Variants in SRP19 observed in about 807,000 individuals in gnomAD.
SRP19 encodes the protein signal recognition particle 19 kDa protein.
In SRP19, 11 loss-of-function variants were observed where a neutral mutation model predicts 22.4. The observed-to-expected ratio is 0.49, with a 90% CI of 0.31 to 0.81. The LOEUF (loss-of-function observed/expected upper bound fraction) is 0.81. Among genes scored for constraint, SRP19 ranks in the 40% least tolerant of loss-of-function variants. The pLI is 0.05. For synonymous variants in SRP19, 61 were observed against 57.6 expected (o/e 1.06, Z -0.27); for missense variants, 168 against 175.9 (o/e 0.96, Z 0.25).
At position 112,867,641 on chromosome 5, in the gene SRP19, C is replaced by T; in HGVS notation, c.*104C>T. ...GAAGCTTTTTGTTTGCATCATTTAA[C>T]TGAACTGTGAACCCTTGTGCCTCTC... On this transcript the variant is annotated 3_prime_UTR_variant, in exon 5 of 5. Transcript: ENST00000505459. The T allele has an allele frequency of 7.1e-6, 10 of 1,399,008 alleles. No individual in the cohort carries two copies. Among genetic ancestry groups the T allele is most frequent in the Non-Finnish European group, 9.3e-6 (10 of 1,072,330 alleles). 86.7% of individuals were successfully genotyped at this position (1,399,008 alleles called of 1,614,324 possible).
chr5:112,865,251 C>T (rs1439158305), intron 4 of SRP19: 3 of 152,150 alleles, frequency 2.0e-5, no homozygotes, highest in African/African-American at 7.3e-5. Context: ...TTTTGAAATG[C>T]TCTGTAAGGA....
At chr5:112,889,468 G>C (rs927544313) in intron 4 of SRP19, among the ~76,000 whole-genome samples, 3 of 150,526 alleles carry the variant, frequency 2.0e-5, no homozygotes, top group African/African-American at 7.4e-5. Context: ...AAGAAGGAAA[G>C]CAATTCACCA....
At chr5:112,861,522 G>C in intron 1 of SRP19, 105 bp downstream of exon 1, 2 of 1,256,888 alleles carry the variant, frequency 1.6e-6, no homozygotes, top group Non-Finnish European at 1.1e-6. Flanking sequence ...TGGCCTAGCT[G>C]ATCCAACTCG....
chr5:112,897,840 C>G (rs1768737107), downstream of SRP19: 1 of 152,186 alleles, frequency 6.6e-6, no homozygotes, highest in African/African-American at 2.4e-5. Flanking sequence ...GGGCAGATCA[C>G]TTGAGGTCAG....
chr5:112,863,170 C>A (rs577080412), intron 2 of SRP19, among the ~76,000 whole-genome samples: 30 of 152,280 alleles, frequency 2.0e-4, no homozygotes, highest in African/African-American at 7.2e-4. Flanking sequence ...GTCGCCTCCG[C>A]ATATGCTCAA....
At chr5:112,891,013 T>C (rs562055680) in intron 4 of SRP19, among the ~76,000 whole-genome samples, 10 of 150,932 alleles carry the variant, frequency 6.6e-5, no homozygotes, top group Admixed American at 2.0e-4. Flanking sequence ...CAGGAGAACA[T>C]GTTAGCTTTC....
At chr5:112,873,813 A>G, downstream of SRP19, among the ~76,000 whole-genome samples, 1 of 151,870 alleles carries the variant, frequency 6.6e-6, no homozygotes, top group East Asian at 1.9e-4. Context: ...TATCATGTTA[A>G]GTAGCTTTGT....
At chr5:112,880,091 T>A (rs1045516819) in intron 4 of SRP19, among the ~76,000 whole-genome samples, 1 of 152,052 alleles carries the variant, frequency 6.6e-6, no homozygotes, top group East Asian at 1.9e-4. Flanking sequence ...AGTCTTTGAG[T>A]TGGTGACAAG....
At chr5:112,865,729 G>A (rs1193971366) in intron 4 of SRP19, among the ~76,000 whole-genome samples, 1 of 152,060 alleles carries the variant, frequency 6.6e-6, no homozygotes, top group Non-Finnish European at 1.5e-5. Context: ...AAGTAGCTGG[G>A]ACTACAGGCA....
At position 112,861,385 on chromosome 5, in the gene SRP19, C is replaced by T. The variant is rs11555908; in HGVS notation, c.9C>T (p.Cys3=). The T allele has an allele frequency of 0.012, 19,853 of 1,614,112 alleles. 708 individuals carry two copies. Among genetic ancestry groups the T allele is most frequent in the East Asian group, 0.12 (5,517 of 44,874 alleles). Residue 3 remains cysteine (C), a synonymous_variant, in exon 1 of 5, where the codon TGC becomes TGT. Coordinates refer to ENST00000505459, the MANE Select transcript of SRP19 (RefSeq NM_003135.3). MA[C]AAARSPADQD... Reference sequence around the variant, plus strand: ...TTGAGACTCTTGTGAAGATGGCTTGCGCTGCCGCGCGGTCCCCGGCCGACC... The same window carrying T: ...TTGAGACTCTTGTGAAGATGGCTTGTGCTGCCGCGCGGTCCCCGGCCGACC...
At chr5:112,896,214 T>G (rs1768676157), downstream of SRP19, 1 of 152,654 alleles carries the variant, frequency 6.6e-6, no homozygotes, top group Non-Finnish European at 1.5e-5. Context: ...TTTAGCCTCC[T>G]ACGAACATTA....
At position 112,868,041 on chromosome 5, in the gene SRP19, CA is replaced by C. The variant is rs1767665049; in HGVS notation, c.*505del. On this transcript the variant is annotated 3_prime_UTR_variant, in exon 5 of 5. Coordinates refer to ENST00000505459, the MANE Select transcript of SRP19 (RefSeq NM_003135.3). ...GGTAGGTCCTTTTGTGGGTGGGGGA[CA>C]GGGGAGTCTGTAAAAAGCCAGTCTG... 1.0e-6 allele frequency: 1 copy of C among 985,426 alleles called. No homozygotes were observed. Among genetic ancestry groups the C allele is most frequent in the African/African-American group, 1.8e-5 (1 of 57,142 alleles). 61.0% of individuals were successfully genotyped at this position (985,426 alleles called of 1,614,324 possible).
At chr5:112,864,108 A>G (rs371515875) in intron 2 of SRP19, among the ~76,000 whole-genome samples, 6 of 152,358 alleles carry the variant, frequency 3.9e-5, no homozygotes, top group South Asian at 4.1e-4. Context: ...AGATACTAGC[A>G]GTTTTCTAAA....
chr5:112,891,960 A>G (rs1768470710), exon 5 of SRP19: 6 of 1,243,270 alleles, frequency 4.8e-6, no homozygotes, highest in Non-Finnish European at 5.9e-6. Flanking sequence ...GGCTAGAAGA[A>G]CAAGAGAGAA....
At chr5:112,894,664 C>T (rs1768623987), downstream of SRP19, 1 of 152,160 alleles carries the variant, frequency 6.6e-6, no homozygotes, top group African/African-American at 2.4e-5. Flanking sequence ...ATTTGGAGAG[C>T]AGCAAGTGTT....
At chr5:112,866,051 A>AAGG (rs2150026760) in intron 4 of SRP19, among the ~76,000 whole-genome samples, 1 of 152,036 alleles carries the variant, frequency 6.6e-6, no homozygotes, top group South Asian at 2.1e-4. Flanking sequence ...TTTTAAAGAC[A>AAGG]AGGTCTCACT....
At chr5:112,893,064 T>A (rs1412672833) in exon 5 of SRP19, 2 of 1,151,994 alleles carry the variant, frequency 1.7e-6, no homozygotes, top group Admixed American at 2.3e-5. Context: ...CTGTTCAGAG[T>A]CCCCAATCCA....
downstream of SRP19, among the ~76,000 whole-genome samples, chr5:112,871,721 T>C (rs989120247): frequency 6.6e-6 from 1 of 151,720 alleles, no homozygotes; most frequent in African/African-American, 2.4e-5. Flanking sequence ...ATTGTGCCAC[T>C]GCACTCCAGC....
chr5:112,887,319 G>A (rs1057089172), intron 4 of SRP19: 2 of 798,534 alleles, frequency 2.5e-6, no homozygotes, highest in African/African-American at 3.5e-5. Context: ...AGTGTTTTCT[G>A]CAGGTTAAAG....
Sources: allele counts gnomAD v4.1 joint callset (sites outside exome capture counted in the v4.1 genomes callset), GRCh38; gene constraint gnomAD v4.1.1; transcripts MANE v1.5; gene names NCBI Gene and HGNC (gene_info 2026-07-23, HGNC 2026-07-21).